Variants in CFAP61 observed in about 807,000 individuals in gnomAD.
CFAP61 encodes cilia and flagella associated protein 61.
CFAP61 carries 107 observed loss-of-function variants against 135.6 expected under a neutral mutation model. The ratio of observed to expected loss-of-function variants is 0.79; its 90% CI spans 0.67 to 0.93. The LOEUF is 0.93. CFAP61 is among the 40% of genes least tolerant of loss of function. The pLI is 0.00. For synonymous variants in CFAP61, 575 were observed against 578.5 expected, an observed-to-expected ratio of 0.99 and a Z score of 0.09; for missense variants, 1,507 against 1,556.2, an observed-to-expected ratio of 0.97 and a Z score of 0.53.
chr20:20,075,638 T>C (rs1253025318), intron 6 of CFAP61, 23 bp downstream of exon 6: 1 of 1,612,286 alleles, frequency 6.2e-7, no homozygotes, highest in East Asian at 2.2e-5. Context: ...TCATGCCTTG[T>C]GTGACCTAAG....
intron 17 of CFAP61, among the ~76,000 whole-genome samples, chr20:20,205,412 T>C (rs574227816): frequency 4.1e-4 from 62 of 152,354 alleles, no homozygotes; most frequent in African/African-American, 1.5e-3. Flanking sequence ...AGGCAGTTGG[T>C]TGCCAAAACT....
chr20:20,191,545 T>C (rs2055921700), intron 15 of CFAP61, 126 bp downstream of exon 15: 1 of 608,180 alleles, frequency 1.6e-6, no homozygotes, highest in African/African-American at 1.8e-5. Context: ...TTCTGATGGA[T>C]ATCATCATCA....
chr20:20,069,933 A>G (rs2045587741), intron 2 of CFAP61: 2 of 267,356 alleles, frequency 7.5e-6, no homozygotes, highest in South Asian at 7.6e-5. Flanking sequence ...TTTTGAGTGA[A>G]TGTTTAACTA....
chr20:20,255,653 A>G (rs528298645), intron 20 of CFAP61, among the ~76,000 whole-genome samples: 13 of 152,308 alleles, frequency 8.5e-5, no homozygotes, highest in African/African-American at 2.9e-4. Context: ...CCTCCCAGTA[A>G]GAGACCTGAG....
intron 9 of CFAP61, among the ~76,000 whole-genome samples, chr20:20,153,884 A>C (rs6046662): frequency 0.9 from 136,996 of 151,930 alleles, 62,581 homozygotes; most frequent in Middle Eastern, 0.99. Context: ...CACTAAAACC[A>C]AAACCGGGAA....
intron 21 of CFAP61, among the ~76,000 whole-genome samples, chr20:20,274,837 A>C (rs1172780422): frequency 6.6e-6 from 1 of 152,182 alleles, no homozygotes; most frequent in African/African-American, 2.4e-5. Flanking sequence ...ACGGCATTCT[A>C]CTATATTTTA....
At chr20:20,215,928 A>T (rs1692814020) in intron 17 of CFAP61, among the ~76,000 whole-genome samples, 1 of 152,164 alleles carries the variant, frequency 6.6e-6, no homozygotes, top group Admixed American at 6.5e-5. Flanking sequence ...TAACCCTCAA[A>T]AGTGGCATTA....
At position 20,163,942 on chromosome 20, in the gene CFAP61, A is replaced by G. The variant is rs1164383778; in HGVS notation, c.1027-108A>G. 8 of 850,502 alleles carry G rather than the reference A, an allele frequency of 9.4e-6. No individual in the cohort carries two copies. In the Admixed American group the frequency reaches 2.3e-4, roughly 24 times the overall value. 52.7% of individuals were successfully genotyped at this position (850,502 alleles called of 1,614,324 possible). ...GGATGAGTTGTTTCGGGTGACAGTC[A>G]CACCTGTCCTCAGAACGGTGTCATG... On this transcript the variant is annotated intron_variant, in intron 10 of 26. Transcript: ENST00000245957.
intron 17 of CFAP61, chr20:20,201,093 A>T (rs1429632189): frequency 2.4e-6 from 1 of 420,382 alleles, no homozygotes; most frequent in Non-Finnish European, 3.2e-6. Context: ...TCATGGACTG[A>T]TAGTTTTGTA....
intron 9 of CFAP61, among the ~76,000 whole-genome samples, chr20:20,149,506 A>G (rs1345985909): frequency 6.6e-6 from 1 of 152,186 alleles, no homozygotes; most frequent in African/African-American, 2.4e-5. Flanking sequence ...TGCAATTGCC[A>G]CAAGACAGGC....
intron 24 of CFAP61, among the ~76,000 whole-genome samples, chr20:20,294,904 C>T (rs1015077716): frequency 6.0e-5 from 9 of 149,902 alleles, no homozygotes; most frequent in Admixed American, 2.0e-4. Flanking sequence ...GTCCGCAGTC[C>T]GGCCTGGGCG....
chr20:20,345,274 C>T (rs2058587507), intron 26 of CFAP61, among the ~76,000 whole-genome samples: 1 of 151,778 alleles, frequency 6.6e-6, no homozygotes, highest in Admixed American at 6.6e-5. Context: ...ATTTCTAACA[C>T]AAAAAAATGA....
At chr20:20,319,942 A>G (rs748721403) in intron 25 of CFAP61, among the ~76,000 whole-genome samples, 11 of 152,166 alleles carry the variant, frequency 7.2e-5, no homozygotes, top group Admixed American at 1.3e-4. Flanking sequence ...TGCGAAAAAC[A>G]AGCCAAATTG....
chr20:20,312,592 A>C (rs1456980034), intron 25 of CFAP61, among the ~76,000 whole-genome samples: 1 of 152,198 alleles, frequency 6.6e-6, no homozygotes, highest in Non-Finnish European at 1.5e-5. Context: ...CAAATCTGAG[A>C]AGCTCAGTGA....
chr20:20,340,552 C>T (rs953460977), intron 25 of CFAP61, among the ~76,000 whole-genome samples: 2 of 152,060 alleles, frequency 1.3e-5, no homozygotes, highest in African/African-American at 2.4e-5. Context: ...GGGTCCCCGA[C>T]GGGCAACACA....
At chr20:20,084,193 G>C (rs967294738) in intron 6 of CFAP61, among the ~76,000 whole-genome samples, 1 of 152,030 alleles carries the variant, frequency 6.6e-6, no homozygotes, top group Non-Finnish European at 1.5e-5. Context: ...TCTATGACTT[G>C]TTTTCTTAAT....
intron 25 of CFAP61, among the ~76,000 whole-genome samples, chr20:20,319,744 CAAGT>C (rs2057341000): frequency 6.6e-6 from 1 of 152,168 alleles, no homozygotes; most frequent in South Asian, 2.1e-4. Flanking sequence ...TACCATCCAT[CAAGT>C]AAGAACCAAT....
chr20:20,082,319 A>G (rs1306442634), intron 6 of CFAP61, among the ~76,000 whole-genome samples: 3 of 152,258 alleles, frequency 2.0e-5, no homozygotes, highest in Admixed American at 6.5e-5. Flanking sequence ...TTCAAAACCA[A>G]TGAATTAACA....
chr20:20,134,975 T>C (rs910558049), intron 8 of CFAP61, among the ~76,000 whole-genome samples: 3 of 152,166 alleles, frequency 2.0e-5, no homozygotes, highest in Admixed American at 6.5e-5. Context: ...TCACCTTTTT[T>C]TTTTTTGAAA....
Sources: gnomAD v4.1 joint callset for allele counts (sites outside exome capture counted in the v4.1 genomes callset) on GRCh38, gnomAD v4.1.1 for gene constraint, MANE v1.5 for transcripts, NCBI Gene and HGNC (gene_info 2026-07-23, HGNC 2026-07-21) for gene names.